The following ACSS2 variants were observed in gnomAD, a reference collection of about 807,000 sequenced individuals.
ACSS2 encodes acetyl-coenzyme A synthetase, cytoplasmic.
A neutral mutation model predicts 90.6 loss-of-function variants in ACSS2; 58 were observed. The ratio of observed to expected loss-of-function variants is 0.64; its 90% confidence interval spans 0.52 to 0.80. The LOEUF is 0.80. Ranked by LOEUF, ACSS2 falls within the 30% of genes least tolerant of loss-of-function variation. The pLI, the probability that ACSS2 is intolerant of heterozygous loss-of-function variation, is 0.00. For missense variants in ACSS2, 759 were observed against 912.0 expected, an observed-to-expected ratio of 0.83 and a Z score of 2.16; for synonymous variants, 300 against 330.9, an observed-to-expected ratio of 0.91 and a Z score of 1.01.
At chr20:34,905,433 C>T (rs1278277149) in intron 2 of ACSS2, among the ~76,000 whole-genome samples, 6 of 151,802 alleles carry the variant, frequency 4.0e-5, no homozygotes, top group East Asian at 1.9e-4. Flanking sequence ...CCACCACCCC[C>T]GGCTAATTTT....
upstream of ACSS2, chr20:34,875,033 G>A (rs575942249): frequency 1.9e-6 from 1 of 534,336 alleles, no homozygotes; most frequent in South Asian, 1.4e-5. Flanking sequence ...GCCCGCTTCA[G>A]GCCTCAGAAT....
intron 2 of ACSS2, among the ~76,000 whole-genome samples, chr20:34,884,598 T>A (rs2080144909): frequency 6.6e-6 from 1 of 152,242 alleles, no homozygotes. Context: ...AGTGGTCTAT[T>A]ATTATACTAC....
chr20:34,902,332 A>G (rs2080682404), intron 2 of ACSS2, among the ~76,000 whole-genome samples: 1 of 152,218 alleles, frequency 6.6e-6, no homozygotes, highest in Non-Finnish European at 1.5e-5. Context: ...AACAATAACA[A>G]TAAGTAAACA....
intron 15 of ACSS2, 81 bp downstream of exon 15, chr20:34,925,847 A>G: frequency 2.7e-6 from 4 of 1,505,386 alleles, no homozygotes; most frequent in Non-Finnish European, 3.6e-6. Flanking sequence ...GCAAGAGCCC[A>G]GGAGTGTCCT....
intron 2 of ACSS2, among the ~76,000 whole-genome samples, chr20:34,909,910 T>C (rs2080907659): frequency 1.3e-5 from 2 of 151,802 alleles, no homozygotes; most frequent in Admixed American, 6.6e-5. Flanking sequence ...AGAGATGGGG[T>C]TTTGCCATGT....
chr20:34,888,729 A>C (rs2146986842), intron 2 of ACSS2, among the ~76,000 whole-genome samples: 1 of 152,310 alleles, frequency 6.6e-6, no homozygotes, highest in South Asian at 2.1e-4. Context: ...ACCTTTTGAT[A>C]AATATGACAT....
chr20:34,902,740 T>C (rs1354847711), intron 2 of ACSS2, among the ~76,000 whole-genome samples: 1 of 151,690 alleles, frequency 6.6e-6, no homozygotes, highest in Non-Finnish European at 1.5e-5. Context: ...AATTAATTAA[T>C]TTTGAGACAA....
Position 34,882,733 on chromosome 20 carries a change from C to T in ACSS2, c.179-61C>T, listed in dbSNP as rs145989248. 5.8e-6 allele frequency: 9 copies of T among 1,546,006 alleles called. No homozygotes were observed. In the East Asian group the frequency reaches 2.0e-4, roughly 35 times the overall value. ...TGGTCCTGTGTATAGACTGGTAAGC[C>T]TTCTGAGGCTAAATATGTCTCAGAA... On this transcript the variant is annotated intron_variant, in intron 1 of 17. Coordinates refer to ENST00000360596, the MANE Select transcript of ACSS2 (RefSeq NM_018677.4).
rs1267310617 is a variant in ACSS2 at position 34,923,199 on chromosome 20, G to A, written c.1549-124G>A. On this transcript the variant is annotated intron_variant, in intron 13 of 17. Coordinates refer to ENST00000360596, the MANE Select transcript of ACSS2 (RefSeq NM_018677.4). The stretch of plus-strand genomic sequence containing the variant: ...TGGTAGAGCTGGGATTCCAAGCCAG[G>A]ATCCTCTGTCTCCAAAGCCTGTACT... The A allele has an allele frequency of 8.5e-6, 6 of 704,526 alleles. No individual in the cohort carries two copies. In the Admixed American group the frequency reaches 1.4e-4, roughly 16 times the overall value. The allele number at this position is 704,526 out of a possible 1,614,324, so 43.6% of individuals were successfully genotyped here.
chr20:34,920,911 C>G (rs567587132), intron 9 of ACSS2, 95 bp from the exon 10 acceptor site: 1 of 1,570,372 alleles, frequency 6.4e-7, no homozygotes, highest in Non-Finnish European at 8.7e-7. Flanking sequence ...TATGGTTGGT[C>G]AGAAAGGGCA....
rs118168623 is a variant in ACSS2 at position 34,893,322 on chromosome 20, C to G, written c.374+10333C>G. Reference sequence around the variant, plus strand: ...GTCCAAGTGATCCTCCCACCTCAGCCTCCTGAGTAGCTAGGAGCACAGTCA... The same window carrying G: ...GTCCAAGTGATCCTCCCACCTCAGCGTCCTGAGTAGCTAGGAGCACAGTCA... On this transcript the variant is annotated intron_variant, in intron 2 of 17. Coordinates refer to ENST00000360596, the MANE Select transcript of ACSS2 (RefSeq NM_018677.4). Among the ~76,000 whole-genome samples the G allele has an allele frequency of 1.5e-3, 224 of 152,232 alleles. 7 individuals carry two copies. The East Asian group carries it at 0.041, about 28-fold the overall frequency.
At chr20:34,926,856 T>G in intron 16 of ACSS2, 21 bp from the exon 17 acceptor site, 4 of 1,613,844 alleles carry the variant, frequency 2.5e-6, no homozygotes, top group Non-Finnish European at 3.4e-6. Context: ...GAAGAAATGC[T>G]TGATGATTTG....
At chr20:34,908,923 A>G (rs1202043745) in intron 2 of ACSS2, 7 of 447,450 alleles carry the variant, frequency 1.6e-5, no homozygotes, top group Middle Eastern at 3.3e-4. Flanking sequence ...CTGGTAATTC[A>G]TCCTACAGAT....
chr20:34,915,393 T>C (rs1230565374), intron 7 of ACSS2: 1 of 918,438 alleles, frequency 1.1e-6, no homozygotes, highest in Non-Finnish European at 1.8e-6. Flanking sequence ...CAACTTGACA[T>C]CTAAGCCACT....
intron 2 of ACSS2, among the ~76,000 whole-genome samples, chr20:34,907,073 T>C (rs115527756): frequency 4.0e-5 from 6 of 149,258 alleles, no homozygotes; most frequent in African/African-American, 1.2e-4. Context: ...TTAACATACA[T>C]GAGATAATTT....
chr20:34,927,383 T>G lies in ACSS2; in HGVS notation c.*169T>G. On this transcript the variant is annotated 3_prime_UTR_variant, in exon 18 of 18. Transcript: ENST00000360596. The surrounding 1 kb of genome is among the most constrained non-coding windows in gnomAD (Gnocchi z 4.2). ...CCAGGTAGAGACAACATCCTGTGAC[T>G]GCCAGGCAGAAAGGACAGGGCCCAG... is the stretch of plus-strand genomic sequence containing the variant. 1.1e-6 allele frequency: 1 copy of G among 897,036 alleles called. No homozygotes were observed. Among genetic ancestry groups the G allele is most frequent in the South Asian group, 1.6e-5 (1 of 62,598 alleles). 55.6% of individuals were successfully genotyped at this position (897,036 alleles called of 1,614,324 possible).
At chr20:34,892,358 G>A (rs551538262) in intron 2 of ACSS2, among the ~76,000 whole-genome samples, 7 of 152,100 alleles carry the variant, frequency 4.6e-5, no homozygotes, top group Admixed American at 3.9e-4. Flanking sequence ...AATGATCCCC[G>A]GTGTCTCACA....
At chr20:34,876,557 G>A, upstream of ACSS2, 1 of 1,274,642 alleles carries the variant, frequency 7.8e-7, no homozygotes. Context: ...GCCCCTCTAC[G>A]GAGGCCCCGC....
chr20:34,900,788 A>T (rs2080638488), intron 2 of ACSS2, among the ~76,000 whole-genome samples: 1 of 152,204 alleles, frequency 6.6e-6, no homozygotes, highest in South Asian at 2.1e-4. Context: ...CAGAATGATG[A>T]ATTTCTGTTA....
Sources: allele counts gnomAD v4.1 joint callset (sites outside exome capture counted in the v4.1 genomes callset), GRCh38; gene constraint gnomAD v4.1.1; non-coding constraint Gnocchi (gnomAD v3.1); transcripts MANE v1.5; gene names NCBI Gene and HGNC (gene_info 2026-07-23, HGNC 2026-07-21).